Variants in SOX5 observed in about 807,000 individuals in gnomAD.
SOX5 encodes SRY-box transcription factor 5.
SOX5 carries 9 observed loss-of-function variants against 92.0 expected under a neutral mutation model. The ratio of observed to expected loss-of-function variants is 0.10; its 90% CI spans 0.06 to 0.17. The LOEUF is 0.17. Among genes scored for constraint, SOX5 ranks in the 10% least tolerant of loss-of-function variants. SOX5 has a pLI of 1.00. For missense variants in SOX5, 642 were observed against 944.5 expected (o/e 0.68, Z 4.20); for synonymous variants, 344 against 336.3 (o/e 1.02, Z -0.25).
intron 3 of SOX5, among the ~76,000 whole-genome samples, chr12:24,261,849 T>C (rs1303570487): frequency 6.6e-6 from 1 of 152,178 alleles, no homozygotes; most frequent in African/African-American, 2.4e-5. Context: ...AACCTCTTCT[T>C]CCTCCATCCC....
Position 24,134,545 on chromosome 12 carries a change from A to G in SOX5, c.-2+78798T>C, listed in dbSNP as rs543207860. 2.2e-4 allele frequency among the ~76,000 whole-genome samples: 34 copies of G among 152,348 alleles called. 1 individual carries two copies. In the South Asian group the frequency reaches 7.1e-3, roughly 32 times the overall value. ...TTATTTATAACACATGCACACACAC[A>G]CATAAACACACATACACAAAACCAG... On this transcript the variant is annotated intron_variant, in intron 4 of 4. Coordinates refer to the SOX5 transcript ENST00000446891.
intron 6 of SOX5, among the ~76,000 whole-genome samples, chr12:23,692,930 T>C (rs2089146386): frequency 6.6e-6 from 1 of 152,238 alleles, no homozygotes; most frequent in African/African-American, 2.4e-5. Flanking sequence ...TATTTATCCC[T>C]AGTAATGCAT....
At chr12:24,114,153 C>T (rs1449399906) in intron 4 of SOX5, among the ~76,000 whole-genome samples, 1 of 151,850 alleles carries the variant, frequency 6.6e-6, no homozygotes, top group East Asian at 1.9e-4. Context: ...TATGGGCAAT[C>T]AAGAACCACC....
At chr12:24,166,714 G>A (rs1290407317) in intron 4 of SOX5, among the ~76,000 whole-genome samples, 11 of 152,178 alleles carry the variant, frequency 7.2e-5, no homozygotes, top group Admixed American at 2.0e-4. Flanking sequence ...TAAGACTTAC[G>A]CATGCTATTG....
intron 1 of SOX5, among the ~76,000 whole-genome samples, chr12:24,540,432 C>T (rs1952020236): frequency 6.6e-6 from 1 of 152,104 alleles, no homozygotes; most frequent in Non-Finnish European, 1.5e-5. Flanking sequence ...CAGTATTTTT[C>T]TCTCCATCTG....
chr12:23,937,660 GTATTATT>G (rs1486983959), intron 1 of SOX5, among the ~76,000 whole-genome samples: 2 of 150,748 alleles, frequency 1.3e-5, no homozygotes, highest in Non-Finnish European at 3.0e-5. Context: ...GTGTTGTCTG[GTATTATT>G]TAATATCCTG....
chr12:23,820,041 C>A (rs958508263), intron 3 of SOX5, among the ~76,000 whole-genome samples: 1 of 152,150 alleles, frequency 6.6e-6, no homozygotes, highest in South Asian at 2.1e-4. Context: ...ATTTACACTC[C>A]CACCAACAGT....
In SOX5 at chr12:24,261,615, CA is replaced by C. The variant is rs1942101687; in HGVS notation, c.-77+15600del. On this transcript the variant is annotated intron_variant, in intron 3 of 4. Coordinates refer to the SOX5 transcript ENST00000446891. ...AAATCAATGGCACCTCACTATTCAC[CA>C]AATTAGACAAGATTAGCAGGTGGAA... 2.0e-5 allele frequency among the ~76,000 whole-genome samples: 3 copies of C among 152,288 alleles called. No individual in the cohort carries two copies. In the South Asian group the frequency reaches 6.2e-4, roughly 32 times the overall value.
intron 1 of SOX5, among the ~76,000 whole-genome samples, chr12:24,433,688 T>G (rs903544427): frequency 6.6e-6 from 1 of 152,182 alleles, no homozygotes; most frequent in African/African-American, 2.4e-5. Context: ...GTTGGCAAGA[T>G]ATGAATTTTA....
At chr12:23,605,870 A>G (rs896599369) in intron 8 of SOX5, among the ~76,000 whole-genome samples, 2 of 152,106 alleles carry the variant, frequency 1.3e-5, no homozygotes, top group African/African-American at 4.8e-5. Flanking sequence ...AATGTAAAAT[A>G]TATCCCAGAG....
At chr12:24,434,923 C>T (rs1425354756) in intron 1 of SOX5, among the ~76,000 whole-genome samples, 1 of 152,240 alleles carries the variant, frequency 6.6e-6, no homozygotes, top group Non-Finnish European at 1.5e-5. Flanking sequence ...CTAATACAGT[C>T]TGTGTCCCTC....
rs538804332 is a variant in SOX5 at position 23,633,891 on chromosome 12, T to C, written c.1017+6921A>G. On this transcript the variant is annotated intron_variant, in intron 8 of 14. Transcript: ENST00000451604. ...GTGAATTATAATGATTTTAAAAGAA[T>C]TACATAAACTGTAATAAGTGCTAAA... Among the ~76,000 whole-genome samples the C allele has an allele frequency of 1.3e-4, 20 of 152,202 alleles. No homozygotes were observed. The East Asian group carries it at 3.7e-3, about 28-fold the overall frequency.
chr12:23,953,103 C>A (rs560598433), upstream of SOX5, among the ~76,000 whole-genome samples: 110 of 152,198 alleles, frequency 7.2e-4, 1 homozygote, highest in Non-Finnish European at 1.4e-3. Flanking sequence ...ATGTACCTCT[C>A]TAAGCCATAA....
At chr12:23,937,248 C>A (rs1441082376) in intron 1 of SOX5, among the ~76,000 whole-genome samples, 1 of 150,878 alleles carries the variant, frequency 6.6e-6, no homozygotes, top group Non-Finnish European at 1.5e-5. Flanking sequence ...TGCTAAGGAA[C>A]AGTCTATAAT....
Position 23,814,259 on chromosome 12 carries a change from C to T in SOX5, c.481+31724G>A, listed in dbSNP as rs1188758261. ...TGTGCTGATCTAATTGAAATGGATT[C>T]TCTTGCATTGCCCTTCACATACTTG... On this transcript the variant is annotated intron_variant, in intron 3 of 14. Coordinates refer to ENST00000451604, the MANE Select transcript of SOX5 (RefSeq NM_006940.6). Among the ~76,000 whole-genome samples the T allele has an allele frequency of 3.3e-5, 5 of 152,256 alleles. No individual in the cohort carries two copies. The East Asian group carries it at 7.7e-4, about 24-fold the overall frequency.
chr12:24,130,282 A>T (rs991596838), intron 4 of SOX5, among the ~76,000 whole-genome samples: 21 of 152,338 alleles, frequency 1.4e-4, no homozygotes, highest in African/African-American at 5.1e-4. Flanking sequence ...AAAGCGACGC[A>T]TCTGGGGTGA....
chr12:24,173,274 T>A (rs1431931028), intron 4 of SOX5, among the ~76,000 whole-genome samples: 1 of 152,240 alleles, frequency 6.6e-6, no homozygotes, highest in Non-Finnish European at 1.5e-5. Flanking sequence ...TTCGAGCCAT[T>A]GCTCATGACC....
At chr12:23,542,681 C>T (rs1442435722) in intron 13 of SOX5, among the ~76,000 whole-genome samples, 1 of 152,184 alleles carries the variant, frequency 6.6e-6, no homozygotes, top group Non-Finnish European at 1.5e-5. Flanking sequence ...CACTCTACAT[C>T]TTCTTGTGTT....
At chr12:24,483,895 C>A (rs1011299745) in intron 1 of SOX5, among the ~76,000 whole-genome samples, 1 of 152,186 alleles carries the variant, frequency 6.6e-6, no homozygotes, top group African/African-American at 2.4e-5. Flanking sequence ...TTTCTAAATT[C>A]TTTTAAAATT....
Sources: allele counts gnomAD v4.1 joint callset (sites outside exome capture counted in the v4.1 genomes callset), GRCh38; gene constraint gnomAD v4.1.1; transcripts MANE v1.5; gene names NCBI Gene and HGNC (gene_info 2026-07-23, HGNC 2026-07-21).